The following GALNT1 variants were observed in gnomAD, a reference collection of about 807,000 sequenced individuals.
GALNT1 encodes polypeptide N-acetylgalactosaminyltransferase 1.
GALNT1 carries 17 observed loss-of-function variants against 65.7 expected under a neutral mutation model. The observed-to-expected ratio is 0.26, with a 90% CI of 0.18 to 0.39. GALNT1 has a LOEUF of 0.39. Ranked by LOEUF, GALNT1 falls within the 10% of genes least tolerant of loss-of-function variation. GALNT1 has a pLI of 1.00. For missense variants in GALNT1, 460 were observed against 672.8 expected (o/e 0.68, Z 3.50); for synonymous variants, 210 against 219.7 (o/e 0.96, Z 0.39).
chr18:35,676,982 A>G (rs1052598150), intron 3 of GALNT1, among the ~76,000 whole-genome samples: 4 of 152,180 alleles, frequency 2.6e-5, no homozygotes, highest in African/African-American at 9.7e-5. Flanking sequence ...ATACATGTTG[A>G]TATTTAATTA....
intron 1 of GALNT1, among the ~76,000 whole-genome samples, chr18:35,621,210 G>A (rs1008580114): frequency 6.6e-6 from 1 of 150,812 alleles, no homozygotes; most frequent in Non-Finnish European, 1.5e-5. Flanking sequence ...ACAAGGTCTC[G>A]TTCTGTTGCC....
chr18:35,581,806 A>C lies in GALNT1; in HGVS notation c.-160A>C, dbSNP rs2046320898. 3.4e-4 allele frequency: 2 copies of C among 5,948 alleles called. No homozygotes were observed. Among genetic ancestry groups the C allele is most frequent in the South Asian group, 1.3e-3 (1 of 764 alleles). 0.4% of individuals were successfully genotyped at this position (5,948 alleles called of 1,614,324 possible). ...CGCGCTGGCCGCGGGACCGGCCGCG[A>C]CCGCCGCGGCCGGCCCGGAGGACGC... is the stretch of plus-strand genomic sequence containing the variant. On this transcript the variant is annotated 5_prime_UTR_variant, in exon 1 of 12. Coordinates refer to ENST00000269195, the MANE Select transcript of GALNT1 (RefSeq NM_020474.4).
chr18:35,581,994 C>G (rs1373967090), intron 1 of GALNT1, 132 bp downstream of exon 1: 2 of 151,846 alleles, frequency 1.3e-5, no homozygotes, highest in Non-Finnish European at 2.9e-5. Context: ...GGCCGGGGCG[C>G]GGGCACGCTC....
chr18:35,593,657 T>C (rs2046471264), intron 1 of GALNT1, among the ~76,000 whole-genome samples: 1 of 151,610 alleles, frequency 6.6e-6, no homozygotes, highest in Non-Finnish European at 1.5e-5. Context: ...TTGGGTATGC[T>C]CAGTCAGTGG....
intron 1 of GALNT1, among the ~76,000 whole-genome samples, chr18:35,628,947 A>G (rs1400499813): frequency 6.6e-6 from 1 of 152,270 alleles, no homozygotes; most frequent in African/African-American, 2.4e-5. Context: ...TGATTCGATC[A>G]ACTGGAAGAA....
rs556589015 is a variant in GALNT1, at chr18:35,691,812, C to T, written c.1160-369C>T. Among the ~76,000 whole-genome samples the T allele has an allele frequency of 2.6e-5, 4 of 152,304 alleles. No individual in the cohort carries two copies. The East Asian group carries it at 5.8e-4, about 22-fold the overall frequency. The stretch of plus-strand genomic sequence containing the variant: ...TAGTTACTGCAAGACTGTCAAGTGG[C>T]AGGGTGCACAGTTCAGTGAGTTGTG... On this transcript the variant is annotated intron_variant, in intron 8 of 11. Coordinates refer to ENST00000269195, the MANE Select transcript of GALNT1 (RefSeq NM_020474.4).
Position 35,645,103 on chromosome 18 carries a change from C to T in GALNT1, c.-103-9457C>T, listed in dbSNP as rs978367138. On this transcript the variant is annotated intron_variant, in intron 1 of 11. Coordinates refer to ENST00000269195, the MANE Select transcript of GALNT1 (RefSeq NM_020474.4). ...TTTATAGATTAATTTTGGGAATAAC[C>T]TTGTATTCATTTTCTCATCTATTCA... is the stretch of plus-strand genomic sequence containing the variant. Among the ~76,000 whole-genome samples, 5 of 151,334 alleles carry T rather than the reference C, an allele frequency of 3.3e-5. 1 individual carries two copies. Among genetic ancestry groups the T allele is most frequent in the South Asian group, 4.2e-4 (2 of 4,790 alleles).
intron 1 of GALNT1, among the ~76,000 whole-genome samples, chr18:35,609,160 G>A (rs911586261): frequency 9.2e-5 from 14 of 152,152 alleles, no homozygotes; most frequent in African/African-American, 3.4e-4. Context: ...GCCACTGGTG[G>A]TGTGTTTTAC....
Position 35,684,973 on chromosome 18 carries a change from C to T in GALNT1, c.689+1375C>T, listed in dbSNP as rs2047845072. Among the ~76,000 whole-genome samples, 3 of 152,142 alleles carry T rather than the reference C, an allele frequency of 2.0e-5. No individual in the cohort carries two copies. The South Asian group carries it at 6.2e-4, about 32-fold the overall frequency. ...TATAAAGCAAGAATGAAAAATTAAT[C>T]CCACCACATCAGAGAAAACTTGCCT... On this transcript the variant is annotated intron_variant, in intron 5 of 11. Coordinates refer to ENST00000269195, the MANE Select transcript of GALNT1 (RefSeq NM_020474.4).
At chr18:35,612,952 T>C (rs1220206357) in intron 1 of GALNT1, among the ~76,000 whole-genome samples, 1 of 152,152 alleles carries the variant, frequency 6.6e-6, no homozygotes, top group African/African-American at 2.4e-5. Context: ...AAATTTTATG[T>C]TTAAAAAAAT....
At chr18:35,645,218 G>GTTTTTTTTTTTTTTTTTTTTTTT (rs1166987925) in intron 1 of GALNT1, among the ~76,000 whole-genome samples, 1 of 54,326 alleles carries the variant, frequency 1.8e-5, no homozygotes, top group Non-Finnish European at 3.4e-5. Flanking sequence ...TATTTTGAAT[G>GTTTTTTTTTTTTTTTTTTTTTTT]TTTTTTTTTT....
At chr18:35,635,199 A>G (rs1259638615) in intron 1 of GALNT1, among the ~76,000 whole-genome samples, 1 of 152,154 alleles carries the variant, frequency 6.6e-6, no homozygotes, top group African/African-American at 2.4e-5. Context: ...TCACAGGGAC[A>G]TGCTTTTCTC....
In GALNT1 at chr18:35,692,275, A is replaced by G. The variant is rs779908232; in HGVS notation, c.1254A>G (p.Ile418Met). The G allele has an allele frequency of 6.3e-7, 1 of 1,598,774 alleles. No individual in the cohort carries two copies. The highest frequency in any genetic ancestry group is 8.6e-7 in the Non-Finnish European group (1 of 1,167,180). The change falls in exon 9 of 12, where the codon ATA becomes ATG. Residue 418 changes from isoleucine (I) to methionine (M), a missense_variant. Coordinates refer to ENST00000269195, the MANE Select transcript of GALNT1 (RefSeq NM_020474.4). ...CTTTTTCCTGGTACCTAGAGAATATATATCCTGATTCTCAAATTCCACGTC... is the reference window on the plus strand; with the variant it reads ...CTTTTTCCTGGTACCTAGAGAATATGTATCCTGATTCTCAAATTCCACGTC... ...CKPFSWYLENIYPDSQIPRHY... is the reference protein window; with the variant it reads ...CKPFSWYLENMYPDSQIPRHY...
chr18:35,656,824 A>G (rs1187972893), intron 2 of GALNT1, among the ~76,000 whole-genome samples: 1 of 152,196 alleles, frequency 6.6e-6, no homozygotes, highest in East Asian at 1.9e-4. Flanking sequence ...CCAGTCTGAG[A>G]CTGTTGTGAG....
chr18:35,670,628 A>G (rs1244737029), intron 3 of GALNT1, among the ~76,000 whole-genome samples: 1 of 152,236 alleles, frequency 6.6e-6, no homozygotes, highest in Non-Finnish European at 1.5e-5. Context: ...ATACATGTGT[A>G]ATTTGACAAG....
intron 1 of GALNT1, among the ~76,000 whole-genome samples, chr18:35,633,456 AC>A (rs1305111438): frequency 6.7e-6 from 1 of 149,720 alleles, no homozygotes; most frequent in African/African-American, 2.5e-5. Flanking sequence ...AAAAAACCAA[AC>A]ACCCCATGTT....
At chr18:35,703,676 T>G in intron 11 of GALNT1, 33 bp downstream of exon 11, 1 of 1,605,860 alleles carries the variant, frequency 6.2e-7, no homozygotes, top group Non-Finnish European at 8.5e-7. Flanking sequence ...GTAATAAAAT[T>G]ATGTGTGTCA....
At chr18:35,614,811 C>G (rs2046762571) in intron 1 of GALNT1, among the ~76,000 whole-genome samples, 1 of 151,842 alleles carries the variant, frequency 6.6e-6, no homozygotes, top group African/African-American at 2.4e-5. Context: ...TTCTATTACT[C>G]TAAACTAGCA....
intron 1 of GALNT1, among the ~76,000 whole-genome samples, chr18:35,582,219 C>T (rs1051468601): frequency 8.5e-5 from 13 of 152,142 alleles, no homozygotes; most frequent in Admixed American, 6.5e-4. Context: ...CAGCCTGACC[C>T]TCGCGGCGCC....
Sources: allele counts gnomAD v4.1 joint callset (sites outside exome capture counted in the v4.1 genomes callset), GRCh38; gene constraint gnomAD v4.1.1; transcripts MANE v1.5; gene names NCBI Gene and HGNC (gene_info 2026-07-23, HGNC 2026-07-21).